Variants in NRG3 observed in about 807,000 individuals in gnomAD.
The protein encoded by NRG3 is neuregulin 3, also known as pro-neuregulin-3, membrane-bound isoform.
NRG3 carries 31 observed loss-of-function variants against 66.9 expected under a neutral mutation model. That is an observed-to-expected ratio of 0.46 (90% confidence interval 0.35 to 0.63). NRG3 has a LOEUF of 0.63. Among genes scored for constraint, NRG3 ranks in the 20% least tolerant of loss-of-function variants. The pLI, the probability that NRG3 is intolerant of heterozygous loss-of-function variation, is 0.00. For missense variants in NRG3, 910 were observed against 878.9 expected (o/e 1.04, Z -0.45); for synonymous variants, 393 against 359.4 (o/e 1.09, Z -1.06).
At chr10:82,254,858 G>T (rs1374529553) in intron 1 of NRG3, among the ~76,000 whole-genome samples, 2 of 151,188 alleles carry the variant, frequency 1.3e-5, no homozygotes, top group Non-Finnish European at 3.0e-5. Flanking sequence ...ATAAATAATT[G>T]AATAAATACA....
rs1206505711 is a variant in NRG3, at chr10:82,060,377, G to A, written c.823+184214G>A. 4.6e-5 allele frequency among the ~76,000 whole-genome samples: 7 copies of A among 152,282 alleles called. No individual in the cohort carries two copies. The South Asian group carries it at 6.2e-4, about 14-fold the overall frequency. On this transcript the variant is annotated intron_variant, in intron 1 of 8. Transcript: ENST00000372141. ...TAAACTGAAATATTTCTTACTGTGT[G>A]CCATAAAGTGCTGAGGGGTGCTGTC...
At chr10:82,869,709 G>A (rs938138747) in intron 4 of NRG3, among the ~76,000 whole-genome samples, 4 of 151,714 alleles carry the variant, frequency 2.6e-5, no homozygotes, top group Admixed American at 6.6e-5. Context: ...AGGGGTTCAC[G>A]CCATTCTCCT....
chr10:82,526,434 T>C (rs758367323), intron 2 of NRG3, among the ~76,000 whole-genome samples: 31 of 151,882 alleles, frequency 2.0e-4, no homozygotes, highest in Non-Finnish European at 4.0e-4. Flanking sequence ...TTAAATGCTC[T>C]AGTTAAAAAC....
intron 1 of NRG3, among the ~76,000 whole-genome samples, chr10:82,247,081 C>T (rs1221524679): frequency 1.3e-5 from 2 of 152,142 alleles, no homozygotes; most frequent in African/African-American, 4.8e-5. Context: ...TGATGTTGCC[C>T]TTGGAAGTGA....
chr10:82,452,668 C>CT lies in NRG3; in HGVS notation c.953+93810dup, dbSNP rs150499593. 6.5e-3 allele frequency among the ~76,000 whole-genome samples: 968 copies of CT among 148,560 alleles called. 13 individuals carry two copies. Among genetic ancestry groups the CT allele is most frequent in the African/African-American group, 0.021 (860 of 40,678 alleles). On this transcript the variant is annotated intron_variant, in intron 2 of 8. Coordinates refer to ENST00000372141, the MANE Select transcript of NRG3 (RefSeq NM_001010848.4). ...ATCAGCTGTCATCTTGTGGAGTTTC[C>CT]TTTTTTTTTTCTTGCCACAATTGGA...
At chr10:82,055,241 G>A (rs2063779812) in intron 1 of NRG3, among the ~76,000 whole-genome samples, 1 of 151,996 alleles carries the variant, frequency 6.6e-6, no homozygotes, top group Non-Finnish European at 1.5e-5. Context: ...CACTTTGGGA[G>A]GCCGAGGCGA....
At chr10:82,842,094 T>C (rs1364392324) in intron 3 of NRG3, among the ~76,000 whole-genome samples, 2 of 151,986 alleles carry the variant, frequency 1.3e-5, no homozygotes, top group Non-Finnish European at 2.9e-5. Context: ...CTACTAAAAA[T>C]ACAAAAATTT....
At chr10:82,869,954 T>C (rs1841167284) in intron 4 of NRG3, among the ~76,000 whole-genome samples, 1 of 150,492 alleles carries the variant, frequency 6.6e-6, no homozygotes, top group Non-Finnish European at 1.5e-5. Flanking sequence ...TTCTAGACTG[T>C]CATATATTTG....
intron 2 of NRG3, among the ~76,000 whole-genome samples, chr10:82,434,263 G>A (rs760363184): frequency 2.6e-5 from 4 of 152,046 alleles, no homozygotes; most frequent in Admixed American, 1.3e-4. Context: ...TATTGTTGGG[G>A]TAGAGGAATG....
intron 3 of NRG3, among the ~76,000 whole-genome samples, chr10:82,753,756 G>T (rs1017600082): frequency 3.3e-5 from 5 of 151,904 alleles, no homozygotes; most frequent in Non-Finnish European, 7.4e-5. Flanking sequence ...AGACCATCCT[G>T]GCCAACATGG....
chr10:82,742,127 G>A lies in NRG3; in HGVS notation c.1027+3477G>A, dbSNP rs563438127. Among the ~76,000 whole-genome samples the A allele has an allele frequency of 3.3e-5, 5 of 151,622 alleles. No homozygotes were observed. The South Asian group carries it at 1.0e-3, about 32-fold the overall frequency. On this transcript the variant is annotated intron_variant, in intron 3 of 8. Coordinates refer to ENST00000372141, the MANE Select transcript of NRG3 (RefSeq NM_001010848.4). ...CTTCCTTCCTTCCTCCCTCTCTCTC[G>A]TCTGTCCAGTGCATACTTTTGCTGA...
chr10:82,419,110 A>G (rs1353957292), intron 2 of NRG3, among the ~76,000 whole-genome samples: 2 of 152,224 alleles, frequency 1.3e-5, no homozygotes, highest in African/African-American at 2.4e-5. Flanking sequence ...TACAAGCATT[A>G]CATCTTAAAC....
chr10:82,544,466 C>T (rs2043757221), intron 2 of NRG3, among the ~76,000 whole-genome samples: 1 of 152,186 alleles, frequency 6.6e-6, no homozygotes, highest in Non-Finnish European at 1.5e-5. Flanking sequence ...CCCAATCAGA[C>T]TCTGAACTCA....
chr10:82,347,291 A>T (rs960350774), intron 1 of NRG3, among the ~76,000 whole-genome samples: 35 of 150,536 alleles, frequency 2.3e-4, no homozygotes, highest in African/African-American at 8.7e-4. Context: ...GGTTTCAAAG[A>T]ACATCTTTAT....
intron 3 of NRG3, among the ~76,000 whole-genome samples, chr10:82,740,768 G>T (rs2058383091): frequency 1.4e-5 from 2 of 143,504 alleles, no homozygotes; most frequent in African/African-American, 5.2e-5. Flanking sequence ...AAGTTGAAGT[G>T]AGCCAAGATC....
chr10:82,349,088 C>G (rs189519542), intron 1 of NRG3, among the ~76,000 whole-genome samples: 1 of 152,174 alleles, frequency 6.6e-6, no homozygotes, highest in Non-Finnish European at 1.5e-5. Flanking sequence ...CTCCATCCAG[C>G]TTTGTTTCGT....
intron 2 of NRG3, among the ~76,000 whole-genome samples, chr10:82,447,115 CTG>C (rs972522370): frequency 6.6e-6 from 1 of 152,172 alleles, no homozygotes; most frequent in African/African-American, 2.4e-5. Flanking sequence ...CCACTGCAAA[CTG>C]TGCAAGAAAA....
chr10:82,080,360 T>G (rs2065321128), intron 1 of NRG3, among the ~76,000 whole-genome samples: 2 of 152,214 alleles, frequency 1.3e-5, no homozygotes, highest in South Asian at 4.1e-4. Flanking sequence ...GTCAAGATTT[T>G]TATTTGGCTG....
intron 2 of NRG3, among the ~76,000 whole-genome samples, chr10:82,580,953 C>T (rs1387421271): frequency 6.7e-6 from 1 of 150,036 alleles, no homozygotes; most frequent in African/African-American, 2.5e-5. Flanking sequence ...AACTTTTCAA[C>T]TCATTTGAGT....
Sources: allele counts gnomAD v4.1 joint callset (sites outside exome capture counted in the v4.1 genomes callset), GRCh38; gene constraint gnomAD v4.1.1; transcripts MANE v1.5; gene names NCBI Gene and HGNC (gene_info 2026-07-23, HGNC 2026-07-21).